PCDHGB6: variants seen among roughly 807,000 people sequenced by gnomAD.
PCDHGB6 encodes the protein protocadherin gamma-B6.
In PCDHGB6, 51 loss-of-function variants were observed where a neutral mutation model predicts 59.1. That is an observed-to-expected ratio of 0.86 (90% CI 0.69 to 1.09). The LOEUF is 1.09. Ranked by LOEUF, PCDHGB6 falls within the 50% of genes least tolerant of loss-of-function variation. The pLI, the probability that PCDHGB6 is intolerant of heterozygous loss-of-function variation, is 0.00. For missense variants in PCDHGB6, 1,148 were observed against 1,205.1 expected (o/e 0.95, Z 0.70); for synonymous variants, 466 against 495.1 (o/e 0.94, Z 0.78).
chr5:141,449,425 G>T (rs1206395356), intron 1 of PCDHGB6, among the ~76,000 whole-genome samples: 2 of 151,688 alleles, frequency 1.3e-5, no homozygotes, highest in Non-Finnish European at 2.9e-5. Context: ...TGGCCAACAT[G>T]ATAAAACTCC....
chr5:141,418,946 G>T (rs2096305161), intron 1 of PCDHGB6: 1 of 1,613,900 alleles, frequency 6.2e-7, no homozygotes, highest in African/African-American at 1.3e-5. Context: ...TTCCCCTCCA[G>T]GAGTGGTTGT....
chr5:141,503,161 T>C (rs1035413931), intron 2 of PCDHGB6, among the ~76,000 whole-genome samples: 3 of 152,054 alleles, frequency 2.0e-5, no homozygotes, highest in Admixed American at 1.3e-4. Context: ...AGTATCACAA[T>C]TGCAATTACT....
intron 1 of PCDHGB6, chr5:141,433,331 C>G: frequency 1.4e-6 from 1 of 699,624 alleles, no homozygotes; most frequent in South Asian, 1.9e-5. Context: ...GTAACAGGGA[C>G]TACAGGTGCA....
intron 2 of PCDHGB6, among the ~76,000 whole-genome samples, chr5:141,495,094 C>T (rs1470702358): frequency 6.6e-6 from 1 of 152,156 alleles, no homozygotes; most frequent in African/African-American, 2.4e-5. Flanking sequence ...CTTCCCTCCT[C>T]GCCACGACCG....
At chr5:141,494,268 C>G (rs576129333) in intron 1 of PCDHGB6, among the ~76,000 whole-genome samples, 31 of 152,288 alleles carry the variant, frequency 2.0e-4, no homozygotes, top group African/African-American at 7.2e-4. Flanking sequence ...TTCTTGCAAG[C>G]CAAGGGCCCA....
In PCDHGB6 at chr5:141,490,023, G is replaced by A. The variant is rs1306715385; in HGVS notation, c.2419-4784G>A. The A allele has an allele frequency of 1.2e-6, 2 of 1,614,134 alleles. No homozygotes were observed. Among genetic ancestry groups the A allele is most frequent in the Non-Finnish European group, 1.7e-6 (2 of 1,180,060 alleles). On this transcript the variant is annotated intron_variant, in intron 1 of 3. Transcript: ENST00000520790. This position sits in a 1 kb window ranked among gnomAD's most constrained non-coding sequence, Gnocchi z 5.4. ...AGAATGCACCCATTGGTACTCTGCT[G>A]CTCCGCCTCAATGCCACTGATCCAG... is the stretch of plus-strand genomic sequence containing the variant.
Position 141,458,657 on chromosome 5 carries a change from C to T in PCDHGB6, c.2419-36150C>T, listed in dbSNP as rs1214452360. On this transcript the variant is annotated intron_variant, in intron 1 of 3. Coordinates refer to ENST00000520790, the MANE Select transcript of PCDHGB6 (RefSeq NM_018926.3). ...CAATCCCAGCTCACTGCAACCTCCA[C>T]CTCTCGGGTTCAAGCAATTCTACTG... Among the ~76,000 whole-genome samples, 6 of 152,276 alleles carry T rather than the reference C, an allele frequency of 3.9e-5. No homozygotes were observed. In the East Asian group the frequency reaches 9.6e-4, roughly 24 times the overall value.
Position 141,486,998 on chromosome 5 carries a change from C to T in PCDHGB6, c.2419-7809C>T. 1.2e-6 allele frequency: 2 copies of T among 1,614,206 alleles called. No individual in the cohort carries two copies. Among genetic ancestry groups the T allele is most frequent in the Non-Finnish European group, 1.7e-6 (2 of 1,180,034 alleles). On this transcript the variant is annotated intron_variant, in intron 1 of 3. Transcript: ENST00000520790. The surrounding 1 kb of genome is among the most constrained non-coding windows in gnomAD (Gnocchi z 5.0). The stretch of plus-strand genomic sequence containing the variant: ...AGGTTACAATGCTTGGGTTTCCTAT[C>T]AGCTCCTGGAGGCCCCAGATCCCAG...
Position 141,423,257 on chromosome 5 carries a change from G to T in PCDHGB6, c.2418+12637G>T, listed in dbSNP as rs1412429501. ...ATCCCCGAAGTCCTGGCGGACCTCG[G>T]CAGCCTCGAGTCTCTGGCTAACTCT... On this transcript the variant is annotated intron_variant, in intron 1 of 3. Transcript: ENST00000520790. The T allele has an allele frequency of 8.7e-6, 14 of 1,613,946 alleles. No individual in the cohort carries two copies. The highest frequency in any genetic ancestry group is 1.3e-5 in the African/African-American group (1 of 75,060).
Position 141,491,170 on chromosome 5 carries a change from G to A in PCDHGB6, c.2419-3637G>A. The stretch of plus-strand genomic sequence containing the variant: ...GGAGGATGACTCTGACACCCAGCAG[G>A]TGGTGGTCCTGGTGAGGGACAATGG... On this transcript the variant is annotated intron_variant, in intron 1 of 3. Coordinates refer to ENST00000520790, the MANE Select transcript of PCDHGB6 (RefSeq NM_018926.3). The surrounding 1 kb of genome is among the most constrained non-coding windows in gnomAD (Gnocchi z 6.9). 6.2e-7 allele frequency: 1 copy of A among 1,614,176 alleles called. No individual in the cohort carries two copies. Among genetic ancestry groups the A allele is most frequent in the Non-Finnish European group, 8.5e-7 (1 of 1,179,996 alleles).
In PCDHGB6 at chr5:141,410,329, G is replaced by T; in HGVS notation, c.2127G>T (p.Leu709=). ...ISVLFLLAVI[L]AIALRLRRSL... ...TGCTCTTCCTCCTCGCCGTGATTCT[G>T]GCCATTGCCTTGCGCCTGCGACGCT... Residue 709 remains leucine, a synonymous_variant, in exon 1 of 4, where the codon CTG becomes CTT. Coordinates refer to ENST00000520790, the MANE Select transcript of PCDHGB6 (RefSeq NM_018926.3). 6.2e-7 allele frequency: 1 copy of T among 1,613,982 alleles called. No homozygotes were observed. The highest frequency in any genetic ancestry group is 1.3e-5 in the African/African-American group (1 of 75,042).
At position 141,481,880 on chromosome 5, in the gene PCDHGB6, C is replaced by T. The variant is rs555652518; in HGVS notation, c.2419-12927C>T. Among the ~76,000 whole-genome samples, 5 of 145,406 alleles carry T rather than the reference C, an allele frequency of 3.4e-5. No individual in the cohort carries two copies. The East Asian group carries it at 1.0e-3, about 29-fold the overall frequency. On this transcript the variant is annotated intron_variant, in intron 1 of 3. Transcript: ENST00000520790. ...AGTGAGCCGAGATCGCGCCACTGCA[C>T]TCCAGCCTGGGTGAAAGAGCGAAAC...
intron 3 of PCDHGB6, 111 bp from the exon 4 acceptor site, chr5:141,510,836 G>C: frequency 6.3e-7 from 1 of 1,584,882 alleles, no homozygotes; most frequent in African/African-American, 1.3e-5. Flanking sequence ...TGCTCAGCGT[G>C]GTCAAGGCCC....
intron 1 of PCDHGB6, chr5:141,424,091 G>A: frequency 1.1e-6 from 1 of 879,778 alleles, no homozygotes; most frequent in Non-Finnish European, 1.4e-6. Context: ...ACCATTATTT[G>A]CTATTACTGC....
intron 1 of PCDHGB6, chr5:141,422,827 A>T: frequency 6.2e-7 from 1 of 1,614,208 alleles, no homozygotes; most frequent in Non-Finnish European, 8.5e-7. Context: ...ACTGAGAGTG[A>T]TAGCACGTGA....
intron 1 of PCDHGB6, chr5:141,430,854 G>A (rs140440273): frequency 5.0e-6 from 8 of 1,587,648 alleles, no homozygotes; most frequent in Middle Eastern, 1.7e-4. Flanking sequence ...ACCCAGATAC[G>A]CTATTCAGTT....
At chr5:141,421,320 G>C (rs1561793188) in intron 1 of PCDHGB6, 1 of 1,613,904 alleles carries the variant, frequency 6.2e-7, no homozygotes, top group East Asian at 2.2e-5. Flanking sequence ...GGGCCAGGCA[G>C]ATCCGATATT....
At chr5:141,501,569 G>A (rs1401631416) in intron 2 of PCDHGB6, among the ~76,000 whole-genome samples, 3 of 151,998 alleles carry the variant, frequency 2.0e-5, no homozygotes, top group African/African-American at 7.2e-5. Flanking sequence ...AATCATATTA[G>A]GCTGGCTTTC....
In PCDHGB6 at chr5:141,491,607, T is replaced by G; in HGVS notation, c.2419-3200T>G. On this transcript the variant is annotated intron_variant, in intron 1 of 3. Coordinates refer to ENST00000520790, the MANE Select transcript of PCDHGB6 (RefSeq NM_018926.3). The surrounding 1 kb of genome is among the most constrained non-coding windows in gnomAD (Gnocchi z 6.9). ...CCTCGGACGGCAGTGACTTCACTTT[T>G]CTAAGACCCCTCAGCGTTCAGCAGC... 6.2e-7 allele frequency: 1 copy of G among 1,613,932 alleles called. No homozygotes were observed. The highest frequency in any genetic ancestry group is 1.1e-5 in the South Asian group (1 of 91,084).
Sources: gnomAD v4.1 joint callset for allele counts (sites outside exome capture counted in the v4.1 genomes callset) on GRCh38, gnomAD v4.1.1 for gene constraint, Gnocchi (gnomAD v3.1) non-coding constraint, MANE v1.5 for transcripts, NCBI Gene and HGNC (gene_info 2026-07-23, HGNC 2026-07-21) for gene names.